The following NUP205 variants were observed in gnomAD, a reference collection of about 807,000 sequenced individuals.
NUP205 encodes nuclear pore complex protein Nup205.
In NUP205, 76 loss-of-function variants were observed where a neutral mutation model predicts 253.8. The ratio of observed to expected loss-of-function variants is 0.30; its 90% confidence interval spans 0.25 to 0.36. The LOEUF (loss-of-function observed/expected upper bound fraction) is 0.36. NUP205 is among the 10% of genes least tolerant of loss of function. The probability of loss-of-function intolerance (pLI) is 1.00; values close to 1 mark genes in which losing one functional copy is unlikely to be tolerated. For missense variants in NUP205, 2,162 were observed against 2,425.5 expected, an observed-to-expected ratio of 0.89 and a Z score of 2.28; for synonymous variants, 832 against 850.1, an observed-to-expected ratio of 0.98 and a Z score of 0.37.
intron 25 of NUP205, 148 bp from the exon 26 acceptor site, chr7:135,616,942 A>T: frequency 3.0e-6 from 2 of 656,810 alleles, no homozygotes; most frequent in Non-Finnish European, 5.0e-6. Context: ...AATAAAATCA[A>T]ATTTAGATTC....
intron 31 of NUP205, among the ~76,000 whole-genome samples, chr7:135,624,346 C>T (rs1794536728): frequency 6.6e-6 from 1 of 150,444 alleles, no homozygotes; most frequent in Admixed American, 6.6e-5. Context: ...GGATTACAGG[C>T]ATGCACCACC....
At chr7:135,604,287 TGAGACACCAA>T in intron 18 of NUP205, 43 bp from the exon 19 acceptor site, 1 of 1,526,924 alleles carries the variant, frequency 6.5e-7, no homozygotes, top group Non-Finnish European at 8.8e-7. Flanking sequence ...TTGAGAATAG[TGAGACACCAA>T]AAATTTTATC....
chr7:135,558,181 T>G, intron 1 of NUP205: 2 of 598,878 alleles, frequency 3.3e-6, no homozygotes, highest in Non-Finnish European at 6.1e-6. Context: ...GGGTTTGAGA[T>G]TCCAGGCAGT....
chr7:135,577,746 C>A (rs369630861), intron 5 of NUP205, 50 bp from the exon 6 acceptor site: 204 of 1,381,394 alleles, frequency 1.5e-4, no homozygotes, highest in Non-Finnish European at 2.0e-4. Context: ...GGAATAAGAC[C>A]AGGCTTCACT....
intron 10 of NUP205, among the ~76,000 whole-genome samples, 166 bp from the exon 11 acceptor site, chr7:135,591,284 C>A (rs1160430428): frequency 6.6e-6 from 1 of 152,114 alleles, no homozygotes; most frequent in East Asian, 1.9e-4. Flanking sequence ...TTGCTAATGA[C>A]AAGCTTAAAC....
In NUP205 at chr7:135,600,945, G is replaced by A. The variant is rs757602738; in HGVS notation, c.2350G>A (p.Val784Ile). 1.9e-6 allele frequency: 3 copies of A among 1,608,422 alleles called. No individual in the cohort carries two copies. The highest frequency in any genetic ancestry group is 2.6e-6 in the Non-Finnish European group (3 of 1,175,686). Reference protein sequence around the residue: ...RDYEPQLEDFVDQFVELQGEE... With the variant: ...RDYEPQLEDFIDQFVELQGEE... ...TTATGAGCCTCAGCTTGAAGATTTT[G>A]TAGACCAGTTTGTGGAACTACAAGG... is the stretch of plus-strand genomic sequence containing the variant. Residue 784 changes from valine to isoleucine, a missense_variant, in exon 16 of 43, where the codon GTA (valine) becomes ATA (isoleucine). Physicochemically the swap from Val to Ile is conservative, Grantham distance 29 (BLOSUM62 3). Around this residue, in one of 5 missense-constraint regions of NUP205, gnomAD observed 892 missense variants for 957.1 expected, o/e 0.93. Transcript: ENST00000285968.
At chr7:135,624,110 A>T (rs555410168) in intron 31 of NUP205, among the ~76,000 whole-genome samples, 2 of 152,264 alleles carry the variant, frequency 1.3e-5, no homozygotes, top group South Asian at 2.1e-4. Context: ...TAAAAATTTT[A>T]AAATATTTGT....
chr7:135,595,620 T>C (rs1793814956), intron 13 of NUP205, among the ~76,000 whole-genome samples: 1 of 152,164 alleles, frequency 6.6e-6, no homozygotes, highest in African/African-American at 2.4e-5. Flanking sequence ...AGAATGGGAA[T>C]GTGACAGTTG....
chr7:135,596,993 CT>C (rs1793855857), intron 13 of NUP205, among the ~76,000 whole-genome samples: 1 of 151,482 alleles, frequency 6.6e-6, no homozygotes, highest in Non-Finnish European at 1.5e-5. Flanking sequence ...AAGAAGTTTC[CT>C]TTTGGGTTTT....
chr7:135,571,465 T>A (rs1398283754), intron 2 of NUP205, among the ~76,000 whole-genome samples: 2 of 151,072 alleles, frequency 1.3e-5, no homozygotes, highest in Non-Finnish European at 2.9e-5. Flanking sequence ...TGTCTTGGAC[T>A]TCTGGCCTCA....
chr7:135,646,339 G>T (rs1442958096), intron 42 of NUP205, 108 bp downstream of exon 42: 3 of 786,706 alleles, frequency 3.8e-6, no homozygotes, highest in Non-Finnish European at 6.4e-6. Context: ...GAGACGGGAG[G>T]ATTGCTTGAG....
At position 135,641,504 on chromosome 7, in the gene NUP205, T is replaced by C. The variant is rs140663285; in HGVS notation, c.5393-1688T>C. ...TATGAGATTGGCCAGGTGTGGTGGC[T>C]CACGCCTGTAATCCCAGCACTTTGG... On this transcript the variant is annotated intron_variant, in intron 38 of 42. Coordinates refer to ENST00000285968, the MANE Select transcript of NUP205 (RefSeq NM_015135.3). Among the ~76,000 whole-genome samples, 495 of 152,210 alleles carry C rather than the reference T, an allele frequency of 3.3e-3. 3 individuals are homozygous for C. Among genetic ancestry groups the C allele is most frequent in the Non-Finnish European group, 5.5e-3 (372 of 68,000 alleles).
At chr7:135,638,905 A>G (rs1794867358) in intron 38 of NUP205, among the ~76,000 whole-genome samples, 1 of 152,232 alleles carries the variant, frequency 6.6e-6, no homozygotes, top group South Asian at 2.1e-4. Context: ...GTAAATCTAG[A>G]GGAACCATGT....
chr7:135,629,857 T>A lies in NUP205; in HGVS notation c.4933-487T>A, dbSNP rs906649426. On this transcript the variant is annotated intron_variant, in intron 34 of 42. Transcript: ENST00000285968. ...CTATTATAATAAAAATGAATTTTTTTAAAAAAAGAATTAGACAAAAGCTTT... is the reference window on the plus strand; with the variant it reads ...CTATTATAATAAAAATGAATTTTTTAAAAAAAAGAATTAGACAAAAGCTTT... Among the ~76,000 whole-genome samples the A allele has an allele frequency of 9.9e-5, 15 of 152,242 alleles. 1 individual carries two copies. In the South Asian group the frequency reaches 1.9e-3, roughly 19 times the overall value.
intron 42 of NUP205, among the ~76,000 whole-genome samples, chr7:135,646,469 G>A (rs935252427): frequency 1.8e-4 from 27 of 152,118 alleles, no homozygotes; most frequent in Admixed American, 5.2e-4. Flanking sequence ...TGAGGTGGGA[G>A]AATCACCTGA....
chr7:135,578,732 T>C lies in NUP205; in HGVS notation c.878-19T>C, dbSNP rs761755895. The C allele has an allele frequency of 6.4e-7, 1 of 1,562,700 alleles. No homozygotes were observed. The highest frequency in any genetic ancestry group is 1.2e-5 in the South Asian group (1 of 84,296). On this transcript the variant is annotated intron_variant, in intron 6 of 42. Transcript: ENST00000285968. ...ATTTATCTGGTGATCGGTAAAGTGG[T>C]CTATTTTTGTGTTTTCAGATATGAT...
intron 1 of NUP205, among the ~76,000 whole-genome samples, chr7:135,563,976 ACCCTGT>A (rs893022654): frequency 6.6e-5 from 10 of 152,028 alleles, no homozygotes; most frequent in African/African-American, 2.4e-4. Flanking sequence ...TGACAGCAAG[ACCCTGT>A]CACAAAAAAC....
Position 135,633,501 on chromosome 7 carries a change from T to G in NUP205, c.5060-2080T>G, listed in dbSNP as rs372911341. Among the ~76,000 whole-genome samples the G allele has an allele frequency of 2.6e-5, 4 of 152,364 alleles. No homozygotes were observed. In the East Asian group the frequency reaches 7.7e-4, roughly 29 times the overall value. ...TAAACAGTGTGGCATTTAATAATTT[T>G]GTGTGTATATGTGTGTGTGTACTTA... On this transcript the variant is annotated intron_variant, in intron 35 of 42. Coordinates refer to ENST00000285968, the MANE Select transcript of NUP205 (RefSeq NM_015135.3).
intron 12 of NUP205, among the ~76,000 whole-genome samples, chr7:135,593,564 A>G (rs1208167014): frequency 6.6e-6 from 1 of 152,162 alleles, no homozygotes; most frequent in Non-Finnish European, 1.5e-5. Flanking sequence ...CATTTACTGT[A>G]TTATTTTTTC....
Sources: gnomAD v4.1 joint callset for allele counts (sites outside exome capture counted in the v4.1 genomes callset) on GRCh38, gnomAD v4.1.1 for gene constraint, gnomAD v4.1.1 regional missense constraint, MANE v1.5 for transcripts, NCBI Gene and HGNC (gene_info 2026-07-23, HGNC 2026-07-21) for gene names.